FBN2: variants seen among roughly 807,000 people sequenced by gnomAD.
FBN2 encodes the protein fibrillin 2, also known as fibrillin-2.
In FBN2, 105 loss-of-function variants were observed where a neutral mutation model predicts 355.6. The observed-to-expected ratio is 0.30, with a 90% CI of 0.25 to 0.35. The LOEUF is 0.35. Among genes scored for constraint, FBN2 ranks in the 10% least tolerant of loss-of-function variants. The pLI, the probability that FBN2 is intolerant of heterozygous loss-of-function variation, is 1.00. For missense variants in FBN2, 3,280 were observed against 3,758.7 expected, an observed-to-expected ratio of 0.87 and a Z score of 3.33; for synonymous variants, 1,350 against 1,301.2, an observed-to-expected ratio of 1.04 and a Z score of -0.81.
chr5:128,271,442 G>A (rs1483632480), intron 62 of FBN2, among the ~76,000 whole-genome samples: 2 of 152,176 alleles, frequency 1.3e-5, no homozygotes, highest in Non-Finnish European at 2.9e-5. Context: ...TATTATCAAT[G>A]CAAGGAACAG....
chr5:128,427,159 C>T (rs139534349), intron 7 of FBN2, among the ~76,000 whole-genome samples: 74 of 152,220 alleles, frequency 4.9e-4, no homozygotes, highest in East Asian at 7.7e-4. Context: ...TGGGATCCCT[C>T]GTAGGGGCCT....
chr5:128,376,960 T>C (rs1752096210), intron 13 of FBN2, 107 bp from the exon 14 acceptor site: 1 of 1,353,464 alleles, frequency 7.4e-7, no homozygotes, highest in Non-Finnish European at 1.0e-6. Flanking sequence ...ATGAGCCATG[T>C]GCTCATGGCT....
At position 128,314,926 on chromosome 5, in the gene FBN2, C is replaced by G. The variant is rs531528055; in HGVS notation, c.4718-2131G>C. Reference sequence around the variant, plus strand: ...TGTATAATTGCTTTTAAAAAAAAACCCTCCTCTCCAAAAATGGTTTCTAAA... The same window carrying G: ...TGTATAATTGCTTTTAAAAAAAAACGCTCCTCTCCAAAAATGGTTTCTAAA... On this transcript the variant is annotated intron_variant, in intron 36 of 64. Coordinates refer to ENST00000262464, the MANE Select transcript of FBN2 (RefSeq NM_001999.4). 1.6e-4 allele frequency among the ~76,000 whole-genome samples: 25 copies of G among 152,002 alleles called. 1 individual carries two copies. Among genetic ancestry groups the G allele is most frequent in the Admixed American group, 1.5e-3 (23 of 15,254 alleles).
intron 25 of FBN2, among the ~76,000 whole-genome samples, chr5:128,343,451 G>A (rs1751084655): frequency 1.3e-5 from 2 of 152,200 alleles, no homozygotes; most frequent in African/African-American, 4.8e-5. Context: ...ACAGGAAAGA[G>A]CCAAGAAAGA....
chr5:128,413,762 T>A (rs1042942198), intron 7 of FBN2, among the ~76,000 whole-genome samples: 1 of 151,986 alleles, frequency 6.6e-6, no homozygotes, highest in Non-Finnish European at 1.5e-5. Flanking sequence ...AGAAGCTTAG[T>A]ACAAATAAAA....
chr5:128,370,452 C>A (rs963902629), intron 15 of FBN2, among the ~76,000 whole-genome samples: 2 of 152,080 alleles, frequency 1.3e-5, no homozygotes, highest in Admixed American at 6.6e-5. Flanking sequence ...AAATGAGATA[C>A]GTGTGTGCTT....
intron 62 of FBN2, among the ~76,000 whole-genome samples, chr5:128,269,157 G>A (rs1765199627): frequency 6.6e-6 from 1 of 151,800 alleles, no homozygotes; most frequent in Non-Finnish European, 1.5e-5. Context: ...GCTCATGCCT[G>A]TAATTCTAGC....
At chr5:128,462,245 G>C (rs548349351) in intron 6 of FBN2, among the ~76,000 whole-genome samples, 3 of 151,810 alleles carry the variant, frequency 2.0e-5, no homozygotes, top group African/African-American at 7.3e-5. Flanking sequence ...CTCAATCATC[G>C]TATAAAAAAG....
chr5:128,519,522 C>T (rs999758167), intron 4 of FBN2, among the ~76,000 whole-genome samples, 154 bp from the exon 5 acceptor site: 1 of 152,042 alleles, frequency 6.6e-6, no homozygotes, highest in Non-Finnish European at 1.5e-5. Context: ...GGTTAAAGTT[C>T]ACATCTTAAA....
At chr5:128,320,730 T>C (rs1251809005) in intron 34 of FBN2, among the ~76,000 whole-genome samples, 1 of 152,238 alleles carries the variant, frequency 6.6e-6, no homozygotes, top group Non-Finnish European at 1.5e-5. Flanking sequence ...CATTTTTATA[T>C]ACATATTTAG....
intron 19 of FBN2, 88 bp from the exon 20 acceptor site, chr5:128,357,483 C>G: frequency 1.3e-6 from 2 of 1,531,540 alleles, no homozygotes; most frequent in South Asian, 2.3e-5. Context: ...GCCAGAATGT[C>G]TGGTAAACTT....
chr5:128,470,526 C>T (rs1406511072), intron 5 of FBN2, among the ~76,000 whole-genome samples: 1 of 152,048 alleles, frequency 6.6e-6, no homozygotes, highest in Non-Finnish European at 1.5e-5. Flanking sequence ...TAGGGTTCAT[C>T]CAGGGTTTTG....
intron 31 of FBN2, among the ~76,000 whole-genome samples, chr5:128,333,263 C>T (rs994325443): frequency 1.3e-5 from 2 of 152,102 alleles, no homozygotes; most frequent in African/African-American, 4.8e-5. Context: ...AGCCACTTTC[C>T]AGTAGAAGAG....
intron 34 of FBN2, 133 bp from the exon 35 acceptor site, chr5:128,319,134 T>C: frequency 1.4e-6 from 1 of 696,964 alleles, no homozygotes; most frequent in Non-Finnish European, 2.5e-6. Flanking sequence ...TTCTCTTTTT[T>C]GGCTAGGTAG....
At chr5:128,347,925 T>C (rs1268016659) in intron 23 of FBN2, among the ~76,000 whole-genome samples, 1 of 151,974 alleles carries the variant, frequency 6.6e-6, no homozygotes, top group Non-Finnish European at 1.5e-5. Flanking sequence ...ATTACAGGCA[T>C]GCATCACCAT....
In FBN2 at chr5:128,516,374, C is replaced by CTTT. The variant is rs35226456; in HGVS notation, c.628+2896_628+2898dup. Among the ~76,000 whole-genome samples the CTTT allele has an allele frequency of 3.0e-3, 443 of 145,398 alleles. 1 individual carries two copies. The highest frequency in any genetic ancestry group is 6.9e-3 in the Admixed American group (100 of 14,418). ...CAATTAGCCTGTAACCACAAGAACT[C>CTTT]TTTTTTTTTTTTTTGATGCTAAGTA... On this transcript the variant is annotated intron_variant, in intron 5 of 64. Coordinates refer to ENST00000262464, the MANE Select transcript of FBN2 (RefSeq NM_001999.4).
chr5:128,436,927 G>T (rs1026151088), intron 7 of FBN2, among the ~76,000 whole-genome samples: 2 of 152,158 alleles, frequency 1.3e-5, no homozygotes, highest in Non-Finnish European at 2.9e-5. Context: ...GGAATATCAA[G>T]CTCTTTGTTC....
intron 6 of FBN2, among the ~76,000 whole-genome samples, chr5:128,459,982 A>C (rs1344441188): frequency 6.6e-6 from 1 of 152,154 alleles, no homozygotes; most frequent in Admixed American, 6.5e-5. Flanking sequence ...GGCAAGAGAA[A>C]GAAATAAAGG....
chr5:128,300,916 G>A lies in FBN2; in HGVS notation c.6067C>T (p.Leu2023Phe). The change falls in exon 48 of 65, where the codon CTT (leucine) becomes TTT (phenylalanine). Residue 2023 changes from leucine (L) to phenylalanine (F), a missense_variant. Leu to Phe is a conservative substitution (Grantham distance 22). This residue lies in a region of FBN2 where 2,284 missense variants were observed against 2,749.5 expected (regional missense o/e 0.83). Transcript: ENST00000262464. ...NCIDTNECVA[L>F]PGSCSPGTCQ... ...GTACCAGGAGAGCAAGAGCCGGGAA[G>A]GGCGACACACTCATTAGTGTCTTTA... is the stretch of plus-strand genomic sequence containing the variant. 1 of 1,613,740 alleles carries A rather than the reference G, an allele frequency of 6.2e-7. No individual in the cohort carries two copies. Among genetic ancestry groups the A allele is most frequent in the Non-Finnish European group, 8.5e-7 (1 of 1,179,648 alleles).
Sources: allele counts gnomAD v4.1 joint callset (sites outside exome capture counted in the v4.1 genomes callset), GRCh38; gene constraint gnomAD v4.1.1; regional missense constraint gnomAD v4.1.1; transcripts MANE v1.5; gene names NCBI Gene and HGNC (gene_info 2026-07-23, HGNC 2026-07-21).